Variants in POLQ observed in about 807,000 individuals in gnomAD.
POLQ encodes the protein DNA polymerase theta.
Under a neutral mutation model 259.2 loss-of-function variants are expected in POLQ, and 233 were observed. The observed-to-expected ratio is 0.90, with a 90% confidence interval of 0.81 to 1.00. POLQ has a LOEUF of 1.00. POLQ is among the 50% of genes least tolerant of loss of function. The pLI, the probability that POLQ is intolerant of heterozygous loss-of-function variation, is 0.00. For synonymous variants in POLQ, 1,025 were observed against 1,048.8 expected (o/e 0.98, Z 0.44); for missense variants, 2,871 against 3,051.6 (o/e 0.94, Z 1.39).
At chr3:121,472,321 T>C (rs1165393726) in intron 21 of POLQ, among the ~76,000 whole-genome samples, 157 bp from the exon 22 acceptor site, 1 of 152,178 alleles carries the variant, frequency 6.6e-6, no homozygotes, top group Admixed American at 6.5e-5. Context: ...ACCGTATTGA[T>C]AAAACTATAA....
intron 26 of POLQ, among the ~76,000 whole-genome samples, chr3:121,441,250 T>A (rs545703863): frequency 2.0e-5 from 3 of 150,194 alleles, no homozygotes; most frequent in South Asian, 2.1e-4. Flanking sequence ...AGAGCTACTT[T>A]AAAAAAAAAA....
intron 9 of POLQ, among the ~76,000 whole-genome samples, chr3:121,515,844 A>G (rs1345066502): frequency 6.6e-6 from 1 of 152,184 alleles, no homozygotes; most frequent in African/African-American, 2.4e-5. Context: ...AGAAATGAAG[A>G]TCTGTGAAAT....
At chr3:121,481,546 A>G (rs762207277) in intron 19 of POLQ, 26 bp downstream of exon 19, 1 of 1,561,512 alleles carries the variant, frequency 6.4e-7, no homozygotes, top group African/African-American at 1.4e-5. Context: ...TCTATAACAT[A>G]AAAATGCCAG....
chr3:121,496,807 C>A lies in POLQ; in HGVS notation c.2278+1G>T. 1.2e-6 allele frequency: 2 copies of A among 1,607,832 alleles called. No homozygotes were observed. The highest frequency in any genetic ancestry group is 1.7e-6 in the Non-Finnish European group (2 of 1,178,766). ...AATGTGAAACCCTTTGTTTAACTGACCTGCATAAACAGCAGCTGACTGTTG... is the reference window on the plus strand; with the variant it reads ...AATGTGAAACCCTTTGTTTAACTGAACTGCATAAACAGCAGCTGACTGTTG... On this transcript the variant is annotated splice_donor_variant, in intron 14 of 29. Coordinates refer to ENST00000264233, the MANE Select transcript of POLQ (RefSeq NM_199420.4). LOFTEE classifies it high-confidence loss of function.
At chr3:121,496,590 T>C (rs768368247) in intron 14 of POLQ, among the ~76,000 whole-genome samples, 1 of 152,106 alleles carries the variant, frequency 6.6e-6, no homozygotes, top group Non-Finnish European at 1.5e-5. Context: ...TGCTAAGGAA[T>C]AGAGGCCAAG....
chr3:121,468,275 T>C, intron 23 of POLQ, 30 bp downstream of exon 23: 2 of 1,569,016 alleles, frequency 1.3e-6, no homozygotes, highest in Non-Finnish European at 1.7e-6. Context: ...CAAAAGTTTA[T>C]TAATACAGAT....
intron 25 of POLQ, among the ~76,000 whole-genome samples, chr3:121,454,324 C>A (rs2047710405): frequency 6.6e-6 from 1 of 152,214 alleles, no homozygotes; most frequent in Non-Finnish European, 1.5e-5. Flanking sequence ...ACTACATCAA[C>A]TAATGAGCAA....
chr3:121,502,827 G>A (rs918305891), intron 12 of POLQ, among the ~76,000 whole-genome samples: 3 of 151,600 alleles, frequency 2.0e-5, no homozygotes, highest in Admixed American at 6.6e-5. Flanking sequence ...GTATAACAAT[G>A]GCACAAAAAA....
intron 21 of POLQ, among the ~76,000 whole-genome samples, chr3:121,472,400 A>C (rs1162896977): frequency 6.6e-6 from 1 of 152,196 alleles, no homozygotes; most frequent in Non-Finnish European, 1.5e-5. Context: ...TTTTCAAAAA[A>C]ATAAATGAAT....
intron 22 of POLQ, among the ~76,000 whole-genome samples, 167 bp downstream of exon 22, chr3:121,471,823 A>AGGTAGTATCTATCTG (rs1178521535): frequency 6.6e-6 from 1 of 152,262 alleles, no homozygotes; most frequent in African/African-American, 2.4e-5. Context: ...CTCTGTACCC[A>AGGTAGTATCTATCTG]GGTAGTATCT....
At position 121,489,398 on chromosome 3, in the gene POLQ, T is replaced by C. The variant is rs1395718416; in HGVS notation, c.3533A>G (p.Lys1178Arg). 1 of 1,613,738 alleles carries C rather than the reference T, an allele frequency of 6.2e-7. No homozygotes were observed. The highest frequency in any genetic ancestry group is 1.7e-5 in the Admixed American group (1 of 59,942). Residue 1178 changes from lysine to arginine, a missense_variant, in exon 16 of 30, where the codon AAA becomes AGA. This residue lies in a region of POLQ where 2,080 missense variants were observed against 2,126.0 expected (regional missense o/e 0.98). Coordinates refer to ENST00000264233, the MANE Select transcript of POLQ (RefSeq NM_199420.4). ...INEVLIQNGS[K>R]NQNVYMKHHD... Reference sequence around the variant, plus strand: ...GTGTTTCATATAAACATTCTGGTTTTTTGAACCATTTTGTATCAGCACTTC... The same window carrying C: ...GTGTTTCATATAAACATTCTGGTTTCTTGAACCATTTTGTATCAGCACTTC...
rs1230819870 is a variant in POLQ at position 121,487,284 on chromosome 3, A to C, written c.5629+18T>G. On this transcript the variant is annotated intron_variant, in intron 16 of 29. Transcript: ENST00000264233. Reference sequence around the variant, plus strand: ...GTAGTTTATAAATATGAAAAAATAAAATTAAAAAAATTCTTACCTTGCTTA... The same window carrying C: ...GTAGTTTATAAATATGAAAAAATAACATTAAAAAAATTCTTACCTTGCTTA... 14 of 1,418,560 alleles carry C rather than the reference A, an allele frequency of 9.9e-6. No individual in the cohort carries two copies. The highest frequency in any genetic ancestry group is 1.3e-5 in the Non-Finnish European group (14 of 1,046,812). 87.9% of individuals were successfully genotyped at this position (1,418,560 alleles called of 1,614,324 possible). A position where few individuals can be genotyped will look rare whatever the true frequency, so the allele number is the denominator to read the frequency against.
At chr3:121,459,369 A>ATGTTTTTTTTTTTTTT (rs778778631) in intron 25 of POLQ, among the ~76,000 whole-genome samples, 1 of 104,736 alleles carries the variant, frequency 9.5e-6, no homozygotes, top group African/African-American at 3.5e-5. Context: ...GACTAGAAAG[A>ATGTTTTTTTTTTTTTT]TTTTTTTTTT....
intron 25 of POLQ, among the ~76,000 whole-genome samples, chr3:121,454,255 C>T (rs1029877339): frequency 1.3e-5 from 2 of 152,190 alleles, no homozygotes; most frequent in Admixed American, 1.3e-4. Flanking sequence ...AAAGGAACAA[C>T]CGGTATCAGC....
At chr3:121,441,845 A>G (rs1340404887) in intron 26 of POLQ, among the ~76,000 whole-genome samples, 1 of 152,162 alleles carries the variant, frequency 6.6e-6, no homozygotes, top group African/African-American at 2.4e-5. Flanking sequence ...TTTTACAAAT[A>G]AATGAACAAC....
intron 23 of POLQ, 34 bp downstream of exon 23, chr3:121,468,271 T>G (rs1184944503): frequency 6.4e-7 from 1 of 1,554,102 alleles, no homozygotes. Context: ...CTTACAAAAG[T>G]TTATTAATAC....
Position 121,488,704 on chromosome 3 carries a change from G to C in POLQ, c.4227C>G (p.Ile1409Met), listed in dbSNP as rs2048036048. The C allele has an allele frequency of 6.2e-7, 1 of 1,613,770 alleles. No individual in the cohort carries two copies. Among genetic ancestry groups the C allele is most frequent in the Non-Finnish European group, 8.5e-7 (1 of 1,179,916 alleles). Residue 1409 changes from isoleucine (I) to methionine (M), a missense_variant, in exon 16 of 30, where the codon ATC becomes ATG. Ile to Met is a conservative substitution (Grantham distance 10). Coordinates refer to ENST00000264233, the MANE Select transcript of POLQ (RefSeq NM_199420.4). ...KQSSDSHGVD[I>M]LTPESPIFHS... ...GGAAAATCGGGCTTTCTGGAGTCAG[G>C]ATATCAACCCCATGTGAATCACTGC...
chr3:121,495,176 CAGG>C (rs2048105611), intron 14 of POLQ, among the ~76,000 whole-genome samples: 1 of 151,956 alleles, frequency 6.6e-6, no homozygotes, highest in Admixed American at 6.5e-5. Flanking sequence ...GAGGCTGAGG[CAGG>C]AGAACCACTT....
chr3:121,530,737 G>A (rs1462974127), intron 6 of POLQ, among the ~76,000 whole-genome samples: 1 of 152,102 alleles, frequency 6.6e-6, no homozygotes, highest in African/African-American at 2.4e-5. Flanking sequence ...ATTAAAAACT[G>A]GATTAATGCA....
Sources: allele counts gnomAD v4.1 joint callset (sites outside exome capture counted in the v4.1 genomes callset), GRCh38; gene constraint gnomAD v4.1.1; regional missense constraint gnomAD v4.1.1; transcripts MANE v1.5; gene names NCBI Gene and HGNC (gene_info 2026-07-23, HGNC 2026-07-21).